The following EML5 variants were observed in gnomAD, a reference collection of about 807,000 sequenced individuals.
EML5 encodes EMAP like 5.
Under a neutral mutation model 250.0 loss-of-function variants are expected in EML5, and 120 were observed. The ratio of observed to expected loss-of-function variants is 0.48; its 90% confidence interval spans 0.41 to 0.56. The LOEUF is 0.56. Among genes scored for constraint, EML5 ranks in the 20% least tolerant of loss-of-function variants. The pLI, the probability that EML5 is intolerant of heterozygous loss-of-function variation, is 0.00. For missense variants in EML5, 2,006 were observed against 2,437.6 expected (o/e 0.82, Z 3.73); for synonymous variants, 771 against 806.5 (o/e 0.96, Z 0.75).
At chr14:88,759,170 A>G (rs2094203333) in intron 1 of EML5, among the ~76,000 whole-genome samples, 1 of 145,218 alleles carries the variant, frequency 6.9e-6, no homozygotes, top group Admixed American at 6.7e-5. Context: ...CAGTTTTTAA[A>G]AAGTGAAAAA....
At chr14:88,759,698 A>AAAAACAAAAC (rs1555374469) in intron 1 of EML5, among the ~76,000 whole-genome samples, 2 of 142,112 alleles carry the variant, frequency 1.4e-5, no homozygotes, top group African/African-American at 5.4e-5. Flanking sequence ...AAAAAAAAAA[A>AAAAACAAAAC]AAAAAACTGG....
intron 2 of EML5, among the ~76,000 whole-genome samples, chr14:88,752,868 G>T (rs1223017081): frequency 6.6e-6 from 1 of 152,172 alleles, no homozygotes; most frequent in South Asian, 2.1e-4. Flanking sequence ...TTTGGCCCAG[G>T]ATGGTCAGGA....
chr14:88,652,194 C>T (rs752977045), intron 27 of EML5, among the ~76,000 whole-genome samples: 2 of 152,102 alleles, frequency 1.3e-5, no homozygotes, highest in African/African-American at 4.8e-5. Flanking sequence ...CCTCTTTATA[C>T]ATAATGAAAA....
chr14:88,776,671 A>C (rs1222011924), intron 1 of EML5, among the ~76,000 whole-genome samples: 1 of 151,918 alleles, frequency 6.6e-6, no homozygotes, highest in East Asian at 1.9e-4. Context: ...GCTTGAGCCC[A>C]GTAGTTCAAG....
intron 15 of EML5, among the ~76,000 whole-genome samples, chr14:88,695,982 T>C (rs1310007307): frequency 6.6e-6 from 1 of 152,020 alleles, no homozygotes; most frequent in Admixed American, 6.6e-5. Context: ...AAATGATCAG[T>C]GAATATCCTA....
chr14:88,785,002 T>G (rs1388675732), intron 1 of EML5, among the ~76,000 whole-genome samples: 2 of 152,202 alleles, frequency 1.3e-5, no homozygotes, highest in Non-Finnish European at 2.9e-5. Context: ...AATGGAGTAC[T>G]AGTCAGCCAT....
intron 1 of EML5, among the ~76,000 whole-genome samples, chr14:88,764,941 C>T (rs764815509): frequency 2.0e-5 from 3 of 152,006 alleles, no homozygotes; most frequent in African/African-American, 7.3e-5. Flanking sequence ...TTTTGGTAAA[C>T]GTTTTGGCAC....
At chr14:88,687,127 T>C in intron 19 of EML5, 89 bp downstream of exon 19, 1 of 965,604 alleles carries the variant, frequency 1.0e-6, no homozygotes, top group Non-Finnish European at 1.6e-6. Flanking sequence ...GAAAAATACA[T>C]GCCATGTGTT....
intron 1 of EML5, among the ~76,000 whole-genome samples, chr14:88,778,778 A>AAAAAC (rs201281131): frequency 0.013 from 1,976 of 152,296 alleles, 46 homozygotes; most frequent in African/African-American, 0.044. Context: ...ACTCCATCTC[A>AAAAAC]AAAACAAAAC....
At chr14:88,783,387 C>T (rs2094517839) in intron 1 of EML5, among the ~76,000 whole-genome samples, 1 of 152,216 alleles carries the variant, frequency 6.6e-6, no homozygotes, top group African/African-American at 2.4e-5. Flanking sequence ...ATGGAAGATC[C>T]AATGGAACAG....
intron 7 of EML5, among the ~76,000 whole-genome samples, chr14:88,732,087 A>AT (rs2093768405): frequency 6.6e-6 from 1 of 152,070 alleles, no homozygotes; most frequent in Non-Finnish European, 1.5e-5. Flanking sequence ...CCATTTGTCA[A>AT]TTTTGGCTTT....
At chr14:88,637,738 T>C (rs956321428) in intron 32 of EML5, among the ~76,000 whole-genome samples, 11 of 152,278 alleles carry the variant, frequency 7.2e-5, no homozygotes, top group Non-Finnish European at 1.3e-4. Context: ...TTAGGTAACA[T>C]AGTTTCTTCA....
At chr14:88,753,731 T>A (rs971971485) in intron 2 of EML5, among the ~76,000 whole-genome samples, 3 of 152,206 alleles carry the variant, frequency 2.0e-5, no homozygotes, top group African/African-American at 7.2e-5. Flanking sequence ...TGAATGATAA[T>A]TATATCCTTT....
chr14:88,766,334 T>C (rs918201525), intron 1 of EML5, among the ~76,000 whole-genome samples: 7 of 152,178 alleles, frequency 4.6e-5, no homozygotes, highest in African/African-American at 1.4e-4. Flanking sequence ...AGGAGAAATA[T>C]TGCTGAATTC....
intron 8 of EML5, among the ~76,000 whole-genome samples, chr14:88,716,028 G>T (rs1428026598): frequency 6.6e-6 from 1 of 152,072 alleles, no homozygotes; most frequent in Non-Finnish European, 1.5e-5. Flanking sequence ...GGCAGGAGAA[G>T]GAGAAACAGA....
intron 1 of EML5, among the ~76,000 whole-genome samples, chr14:88,786,676 C>T (rs987559529): frequency 6.6e-6 from 1 of 152,144 alleles, no homozygotes; most frequent in Non-Finnish European, 1.5e-5. Context: ...ACACTGTTCT[C>T]ATGGTAGTAA....
chr14:88,763,938 T>A (rs1566771304), intron 1 of EML5, among the ~76,000 whole-genome samples: 3 of 152,228 alleles, frequency 2.0e-5, no homozygotes, highest in Non-Finnish European at 2.9e-5. Context: ...CTAAGCATTT[T>A]AAAAATATGA....
At chr14:88,771,060 G>A (rs1419358061) in intron 1 of EML5, among the ~76,000 whole-genome samples, 1 of 152,124 alleles carries the variant, frequency 6.6e-6, no homozygotes, top group South Asian at 2.1e-4. Context: ...CAAACATAAA[G>A]TGAGCTATCA....
intron 1 of EML5, among the ~76,000 whole-genome samples, chr14:88,767,007 C>G (rs892453715): frequency 6.6e-6 from 1 of 152,114 alleles, no homozygotes; most frequent in African/African-American, 2.4e-5. Context: ...GTTGTCTTTT[C>G]TTGTATAAAT....
Sources: allele counts gnomAD v4.1 joint callset (sites outside exome capture counted in the v4.1 genomes callset), GRCh38; gene constraint gnomAD v4.1.1; transcripts MANE v1.5; gene names NCBI Gene and HGNC (gene_info 2026-07-23, HGNC 2026-07-21).